PHF21B: variants seen among roughly 807,000 people sequenced by gnomAD.
PHF21B encodes the protein PHD finger protein 4.
In PHF21B, 22 loss-of-function variants were observed where a neutral mutation model predicts 62.2. That is an observed-to-expected ratio of 0.35 (90% CI 0.25 to 0.51). The LOEUF (loss-of-function observed/expected upper bound fraction) is 0.51. Ranked by LOEUF, PHF21B falls within the 20% of genes least tolerant of loss-of-function variation. The pLI, the probability that PHF21B is intolerant of heterozygous loss-of-function variation, is 0.97. For synonymous variants in PHF21B, 341 were observed against 314.7 expected (o/e 1.08, Z -0.88); for missense variants, 701 against 707.9 (o/e 0.99, Z 0.11).
chr22:44,883,472 C>T (rs1029129421), intron 12 of PHF21B, among the ~76,000 whole-genome samples, 168 bp from the exon 13 acceptor site: 2 of 152,168 alleles, frequency 1.3e-5, no homozygotes, highest in Admixed American at 1.3e-4. Context: ...AAAGAGCAGC[C>T]AGACCCACAG....
intron 2 of PHF21B, among the ~76,000 whole-genome samples, chr22:44,946,481 A>G (rs1278911834): frequency 6.6e-6 from 1 of 152,106 alleles, no homozygotes; most frequent in East Asian, 1.9e-4. Flanking sequence ...GGAAAGAGGA[A>G]ACACGGAAAG....
Position 44,924,186 on chromosome 22 carries a change from ATAAT to A in PHF21B, c.121-3700_121-3697del, listed in dbSNP as rs375963626. Among the ~76,000 whole-genome samples the A allele has an allele frequency of 1.9e-4, 29 of 152,310 alleles. 1 individual carries two copies. In the East Asian group the frequency reaches 4.8e-3, roughly 25 times the overall value. On this transcript the variant is annotated intron_variant, in intron 2 of 12. Transcript: ENST00000313237. ...ATAAGCAAATAAAAAATTACTAAACATAATTAGTTATTAGGGAAATGCAAATTAA... is the reference window on the plus strand; with the variant it reads ...ATAAGCAAATAAAAAATTACTAAACATAGTTATTAGGGAAATGCAAATTAA...
chr22:45,008,516 C>T (rs1444703017), intron 2 of PHF21B, 29 bp downstream of exon 2: 2 of 1,536,240 alleles, frequency 1.3e-6, no homozygotes, highest in Non-Finnish European at 1.8e-6. Flanking sequence ...CCGCCCCATC[C>T]CAGGGGGGGC....
chr22:44,904,673 G>A (rs1473789962), intron 5 of PHF21B, among the ~76,000 whole-genome samples: 1 of 134,792 alleles, frequency 7.4e-6, no homozygotes, highest in East Asian at 3.6e-4. Context: ...GCAGAGGTCA[G>A]GGCTGGGCAG....
At chr22:44,994,941 A>C (rs902595872) in intron 2 of PHF21B, among the ~76,000 whole-genome samples, 2 of 152,192 alleles carry the variant, frequency 1.3e-5, no homozygotes, top group Non-Finnish European at 2.9e-5. Context: ...CAGCATCTGA[A>C]CTCACAGCAG....
intron 5 of PHF21B, among the ~76,000 whole-genome samples, chr22:44,909,683 C>CCCAG (rs1335735977): frequency 6.6e-6 from 1 of 152,260 alleles, no homozygotes; most frequent in Non-Finnish European, 1.5e-5. Context: ...AGTCCGAAAG[C>CCCAG]CCAGCTGACT....
rs532049807 is a variant in PHF21B, at chr22:44,885,590, G to A, written c.1274-61C>T. ...AGGTAAGGAGCGGCTGGGTCGTAGA[G>A]TAAATGGGAGAGGCAGAAGGGATGA... On this transcript the variant is annotated intron_variant, in intron 11 of 12. Transcript: ENST00000313237. The A allele has an allele frequency of 8.5e-5, 125 of 1,468,060 alleles. No individual in the cohort carries two copies. In the African/African-American group the frequency reaches 8.7e-4, roughly 10 times the overall value. 90.9% of individuals were successfully genotyped at this position (1,468,060 alleles called of 1,614,324 possible).
chr22:45,001,853 C>T (rs2073225115), intron 2 of PHF21B: 1 of 152,216 alleles, frequency 6.6e-6, no homozygotes, highest in African/African-American at 2.4e-5. Flanking sequence ...CTGCAGACAC[C>T]TCCGTGAGCA....
chr22:44,905,999 C>T (rs556963484), intron 5 of PHF21B, among the ~76,000 whole-genome samples: 5 of 152,298 alleles, frequency 3.3e-5, no homozygotes, highest in South Asian at 2.1e-4. Context: ...GGCTGTGGCC[C>T]GGACCAGCAG....
At chr22:44,890,523 T>C (rs1343660567) in intron 8 of PHF21B, among the ~76,000 whole-genome samples, 1 of 152,202 alleles carries the variant, frequency 6.6e-6, no homozygotes, top group Non-Finnish European at 1.5e-5. Flanking sequence ...CAGGTAGCTA[T>C]GGGCCCACTT....
At chr22:44,950,856 T>C (rs2072178865) in intron 2 of PHF21B, among the ~76,000 whole-genome samples, 1 of 152,208 alleles carries the variant, frequency 6.6e-6, no homozygotes, top group South Asian at 2.1e-4. Context: ...CCAGAGACGC[T>C]TGATTTTTTT....
chr22:44,899,736 G>A (rs1233286428), intron 5 of PHF21B, among the ~76,000 whole-genome samples: 1 of 150,734 alleles, frequency 6.6e-6, no homozygotes, highest in Admixed American at 6.6e-5. Context: ...GTTTATTCTT[G>A]GCATTTAATC....
At position 44,885,448 on chromosome 22, in the gene PHF21B, C is replaced by T. The variant is rs746179699; in HGVS notation, c.1355G>A (p.Arg452Gln). The T allele has an allele frequency of 4.0e-5, 64 of 1,588,408 alleles. No individual in the cohort carries two copies. The highest frequency in any genetic ancestry group is 5.1e-5 in the Non-Finnish European group (60 of 1,168,662). ...CACCTGCACTGCTGACGCCAGCCGC[C>T]GGTCCCGCTCCTCCAGCTGCTGGTG... ...NEHQQLEERDRRLASAVQKCL... is the reference protein window; with the variant it reads ...NEHQQLEERDQRLASAVQKCL... The change falls in exon 12 of 13, where the codon CGG becomes CAG. Residue 452 changes from arginine (R) to glutamine (Q), a missense_variant. By Grantham distance (43) the Arg-to-Gln change is conservative (BLOSUM62 1). Transcript: ENST00000313237.
intron 2 of PHF21B, among the ~76,000 whole-genome samples, chr22:45,006,766 G>A (rs1405255650): frequency 6.6e-6 from 1 of 151,868 alleles, no homozygotes; most frequent in Non-Finnish European, 1.5e-5. Context: ...TCTTCTAGGA[G>A]CGTACGAGTC....
intron 8 of PHF21B, 30 bp from the exon 9 acceptor site, chr22:44,889,812 G>A (rs1273354198): frequency 1.4e-5 from 22 of 1,543,108 alleles, no homozygotes; most frequent in Non-Finnish European, 1.9e-5. Context: ...CGGAGAACAC[G>A]TTAGTGGCCG....
intron 2 of PHF21B, among the ~76,000 whole-genome samples, chr22:44,947,446 GC>G (rs1402267073): frequency 6.6e-6 from 1 of 152,216 alleles, no homozygotes; most frequent in Non-Finnish European, 1.5e-5. Context: ...CCAGGGCCCA[GC>G]CCCCTGCCCT....
intron 2 of PHF21B, among the ~76,000 whole-genome samples, chr22:44,979,988 G>T (rs2147472587): frequency 7.5e-6 from 1 of 134,170 alleles, no homozygotes; most frequent in East Asian, 2.3e-4. Context: ...AGAATCGCTT[G>T]AACCCGGGAG....
chr22:44,890,942 G>A (rs1368552930), intron 8 of PHF21B, among the ~76,000 whole-genome samples: 7 of 152,370 alleles, frequency 4.6e-5, no homozygotes, highest in Middle Eastern at 3.4e-3. Flanking sequence ...GCTGAGAGGC[G>A]CCAGCCCAGC....
chr22:44,944,858 T>C (rs1403241591), intron 2 of PHF21B, among the ~76,000 whole-genome samples: 3 of 114,340 alleles, frequency 2.6e-5, no homozygotes, highest in South Asian at 4.9e-4. Flanking sequence ...AAGGAAGGAC[T>C]TGGGGAAGGA....
Sources: allele counts gnomAD v4.1 joint callset (sites outside exome capture counted in the v4.1 genomes callset), GRCh38; gene constraint gnomAD v4.1.1; transcripts MANE v1.5; gene names NCBI Gene and HGNC (gene_info 2026-07-23, HGNC 2026-07-21).